Variants in DCDC2 observed in about 807,000 individuals in gnomAD.
DCDC2 encodes the protein doublecortin domain containing 2, also known as doublecortin domain-containing protein 2.
Under a neutral mutation model 50.2 loss-of-function variants are expected in DCDC2, and 40 were observed. The ratio of observed to expected loss-of-function variants is 0.80; its 90% CI spans 0.62 to 1.04. DCDC2 has a LOEUF of 1.04. DCDC2 is among the 50% of genes least tolerant of loss of function. The probability of loss-of-function intolerance (pLI) is 0.00; values close to 1 mark genes in which losing one functional copy is unlikely to be tolerated. For missense variants in DCDC2, 570 were observed against 581.9 expected (o/e 0.98, Z 0.21); for synonymous variants, 234 against 210.6 (o/e 1.11, Z -0.96).
intron 2 of DCDC2, among the ~76,000 whole-genome samples, chr6:24,325,696 A>G (rs1344247630): frequency 1.3e-5 from 2 of 149,536 alleles, no homozygotes; most frequent in African/African-American, 4.8e-5. Flanking sequence ...TACTAGAGAA[A>G]ATCCAGAACA....
intron 2 of DCDC2, among the ~76,000 whole-genome samples, chr6:24,315,042 C>T (rs1249680065): frequency 6.6e-6 from 1 of 152,156 alleles, no homozygotes; most frequent in African/African-American, 2.4e-5. Flanking sequence ...CTCAGCAGTT[C>T]ATGTCCGTTT....
chr6:24,232,371 T>A (rs760189775), intron 7 of DCDC2, among the ~76,000 whole-genome samples: 1 of 152,364 alleles, frequency 6.6e-6, no homozygotes, highest in Non-Finnish European at 1.5e-5. Flanking sequence ...CACACTGCTG[T>A]CACTGTGTTT....
At chr6:24,197,455 T>C (rs1207966075) in intron 8 of DCDC2, among the ~76,000 whole-genome samples, 2 of 152,254 alleles carry the variant, frequency 1.3e-5, no homozygotes, top group Non-Finnish European at 2.9e-5. Flanking sequence ...TCAGGTGTTG[T>C]ATATACATGA....
chr6:24,289,764 G>C (rs978999111), intron 5 of DCDC2, among the ~76,000 whole-genome samples: 2 of 152,048 alleles, frequency 1.3e-5, no homozygotes, highest in East Asian at 3.8e-4. Flanking sequence ...AGAAGCTCTT[G>C]GCCAGCCTCT....
At chr6:24,339,901 TAGAG>T (rs553117546) in intron 2 of DCDC2, among the ~76,000 whole-genome samples, 209 of 152,234 alleles carry the variant, frequency 1.4e-3, no homozygotes, top group Middle Eastern at 0.01. Flanking sequence ...TGCTATAAGA[TAGAG>T]AGAGCAAAGG....
At chr6:24,265,101 G>A (rs555389464) in intron 7 of DCDC2, among the ~76,000 whole-genome samples, 5 of 152,006 alleles carry the variant, frequency 3.3e-5, no homozygotes, top group Admixed American at 3.3e-4. Context: ...AGGAGTTCAA[G>A]ACCAGCCTGG....
chr6:24,301,780 A>G lies in DCDC2; in HGVS notation c.492T>C (p.Asn164=), dbSNP rs1405412668. The G allele has an allele frequency of 6.2e-7, 1 of 1,614,144 alleles. No individual in the cohort carries two copies. Among genetic ancestry groups the G allele is most frequent in the South Asian group, 1.1e-5 (1 of 91,074 alleles). Reference sequence around the variant, plus strand: ...CCATTTGTAGTACATGATCCCACTGATTCAAGGTTTTTCTGGGGATAAGGA... The same window carrying G: ...CCATTTGTAGTACATGATCCCACTGGTTCAAGGTTTTTCTGGGGATAAGGA... The part of the protein sequence containing the change: ...SRLLIPRKTL[N]QWDHVLQMVT... Residue 164 remains asparagine (N), a synonymous_variant, in exon 4 of 10, where the codon AAT becomes AAC. Transcript: ENST00000378454.
intron 7 of DCDC2, among the ~76,000 whole-genome samples, chr6:24,274,624 A>G (rs908407561): frequency 2.0e-5 from 3 of 149,614 alleles, no homozygotes; most frequent in African/African-American, 7.5e-5. Context: ...AAAAAAAAAA[A>G]AAAAAGAAGA....
chr6:24,353,508 C>T, intron 2 of DCDC2, 61 bp downstream of exon 2: 1 of 1,043,618 alleles, frequency 9.6e-7, no homozygotes, highest in Non-Finnish European at 1.5e-6. Context: ...CTCTAAGACA[C>T]ACCATAAGAA....
chr6:24,321,602 C>T, intron 2 of DCDC2, among the ~76,000 whole-genome samples: 1 of 152,174 alleles, frequency 6.6e-6, no homozygotes, highest in East Asian at 1.9e-4. Flanking sequence ...TCTGTGAAAT[C>T]TGCATAATTA....
intron 7 of DCDC2, among the ~76,000 whole-genome samples, chr6:24,205,588 C>T (rs886114010): frequency 6.6e-6 from 1 of 151,894 alleles, no homozygotes; most frequent in African/African-American, 2.4e-5. Flanking sequence ...TTACTGCAGC[C>T]AAATCATAGA....
chr6:24,177,183 G>A (rs539348910), intron 9 of DCDC2, among the ~76,000 whole-genome samples: 2 of 152,292 alleles, frequency 1.3e-5, no homozygotes, highest in Non-Finnish European at 2.9e-5. Flanking sequence ...TGACGCTGAG[G>A]ACTATGTAGA....
rs1760141703 is a variant in DCDC2 at position 24,340,870 on chromosome 6, C to A, written c.348+12699G>T. On this transcript the variant is annotated intron_variant, in intron 2 of 9. Transcript: ENST00000378454. ...CCTCCCGAGTAGCTGGGACTACAGG[C>A]ACGTACCACTATGCCTGGCTAATTT... 2.0e-5 allele frequency among the ~76,000 whole-genome samples: 3 copies of A among 152,110 alleles called. No homozygotes were observed. In the South Asian group the frequency reaches 6.2e-4, roughly 32 times the overall value.
chr6:24,194,908 T>C (rs1761398241), intron 8 of DCDC2, among the ~76,000 whole-genome samples: 1 of 152,242 alleles, frequency 6.6e-6, no homozygotes, highest in Non-Finnish European at 1.5e-5. Context: ...AACATTCTTC[T>C]GTCTTTCCAT....
At chr6:24,181,362 C>T (rs777943603) in intron 8 of DCDC2, among the ~76,000 whole-genome samples, 2 of 152,164 alleles carry the variant, frequency 1.3e-5, no homozygotes, top group Admixed American at 6.5e-5. Flanking sequence ...ATCTGCCCCA[C>T]CAGACCCATC....
chr6:24,378,086 G>A, the DCDC2 span, among the ~76,000 whole-genome samples: 2 of 152,160 alleles, frequency 1.3e-5, no homozygotes, highest in Non-Finnish European at 2.9e-5. Context: ...CTTCTTTCTT[G>A]TCCAAATAGT....
chr6:24,307,946 G>A (rs1445600504), intron 2 of DCDC2, among the ~76,000 whole-genome samples: 1 of 152,118 alleles, frequency 6.6e-6, no homozygotes, highest in Non-Finnish European at 1.5e-5. Flanking sequence ...AGAGAGTGAT[G>A]AACCCTTTCT....
intron 7 of DCDC2, among the ~76,000 whole-genome samples, chr6:24,250,678 C>T (rs192739640): frequency 3.0e-4 from 45 of 151,996 alleles, no homozygotes; most frequent in Admixed American, 1.6e-3. Flanking sequence ...AGAAATAATA[C>T]AAATTATTCT....
intron 5 of DCDC2, among the ~76,000 whole-genome samples, chr6:24,290,273 G>T (rs1037851863): frequency 1.1e-4 from 17 of 151,696 alleles, no homozygotes; most frequent in Non-Finnish European, 2.4e-4. Flanking sequence ...GATTACAGGC[G>T]TGAGCCACCG....
Sources: allele counts gnomAD v4.1 joint callset (sites outside exome capture counted in the v4.1 genomes callset), GRCh38; gene constraint gnomAD v4.1.1; transcripts MANE v1.5; gene names NCBI Gene and HGNC (gene_info 2026-07-23, HGNC 2026-07-21).